Variants in PHLDB2 observed in about 807,000 individuals in gnomAD.
PHLDB2 encodes the protein pleckstrin homology like domain family B member 2.
PHLDB2 carries 71 observed loss-of-function variants against 123.6 expected under a neutral mutation model. The observed-to-expected ratio is 0.57, with a 90% confidence interval of 0.47 to 0.70. The LOEUF (loss-of-function observed/expected upper bound fraction) is 0.70. PHLDB2 is among the 30% of genes least tolerant of loss of function. The pLI is 0.00. For missense variants in PHLDB2, 1,446 were observed against 1,519.5 expected, an observed-to-expected ratio of 0.95 and a Z score of 0.80; for synonymous variants, 547 against 541.6, an observed-to-expected ratio of 1.01 and a Z score of -0.14.
intron 12 of PHLDB2, 22 bp from the exon 13 acceptor site, chr3:111,962,086 A>G (rs2071443981): frequency 4.4e-6 from 7 of 1,574,406 alleles, no homozygotes; most frequent in African/African-American, 1.4e-5. Flanking sequence ...GCAAACTAAC[A>G]TATTTATGGC....
intron 14 of PHLDB2, among the ~76,000 whole-genome samples, chr3:111,967,190 C>A (rs760176927): frequency 1.3e-5 from 2 of 152,196 alleles, no homozygotes; most frequent in Non-Finnish European, 1.5e-5. Context: ...GCATCCTGCC[C>A]TGAAGGGCAC....
chr3:111,851,317 C>A (rs988455679), intron 2 of PHLDB2, among the ~76,000 whole-genome samples: 6 of 152,106 alleles, frequency 3.9e-5, no homozygotes, highest in African/African-American at 1.4e-4. Flanking sequence ...CTCTGAGCCC[C>A]TGCAGACACA....
chr3:111,810,167 G>A (rs1035770980), intron 1 of PHLDB2, among the ~76,000 whole-genome samples: 3 of 152,090 alleles, frequency 2.0e-5, no homozygotes, highest in Non-Finnish European at 4.4e-5. Flanking sequence ...CCAAATGCAA[G>A]GTGACACACA....
chr3:111,890,025 C>T (rs1181367047), intron 2 of PHLDB2, among the ~76,000 whole-genome samples: 1 of 152,148 alleles, frequency 6.6e-6, no homozygotes, highest in African/African-American at 2.4e-5. Context: ...AGACTGATTG[C>T]TTTTCCATCA....
intron 1 of PHLDB2, among the ~76,000 whole-genome samples, chr3:111,736,415 C>T (rs1460923919): frequency 1.3e-5 from 2 of 152,182 alleles, no homozygotes; most frequent in Non-Finnish European, 2.9e-5. Flanking sequence ...ATCTTCACCA[C>T]AGCCCTGTAA....
At chr3:111,955,144 G>GATATATATATATATGATATATATATAT (rs2070967442) in intron 12 of PHLDB2, among the ~76,000 whole-genome samples, 1 of 145,300 alleles carries the variant, frequency 6.9e-6, no homozygotes, top group Non-Finnish European at 1.5e-5. Flanking sequence ...ATGTATATAT[G>GATATATATATATATGATATATATATAT]ATATATATAT....
At chr3:111,857,515 T>C (rs1013743196), upstream of PHLDB2, among the ~76,000 whole-genome samples, 4 of 150,242 alleles carry the variant, frequency 2.7e-5, no homozygotes, top group Admixed American at 2.0e-4. Context: ...AATGATTGTA[T>C]GTTTATGGGG....
chr3:111,849,087 C>A (rs780056505), intron 2 of PHLDB2, among the ~76,000 whole-genome samples: 5 of 152,186 alleles, frequency 3.3e-5, no homozygotes, highest in African/African-American at 9.7e-5. Context: ...GGTTGCCAAG[C>A]CTTTTATAAA....
intron 17 of PHLDB2, 121 bp from the exon 18 acceptor site, chr3:111,974,302 A>G (rs981289458): frequency 6.2e-6 from 6 of 975,224 alleles, no homozygotes; most frequent in Middle Eastern, 3.4e-4. Flanking sequence ...GTAGAGCAAA[A>G]GTAACGCCTT....
chr3:111,782,607 C>T (rs1288153418), intron 1 of PHLDB2, among the ~76,000 whole-genome samples: 1 of 152,038 alleles, frequency 6.6e-6, no homozygotes, highest in Non-Finnish European at 1.5e-5. Flanking sequence ...GAGATCCTTC[C>T]CTGGCCCTTC....
chr3:111,743,076 T>C (rs899391811), intron 1 of PHLDB2, among the ~76,000 whole-genome samples: 3 of 152,180 alleles, frequency 2.0e-5, no homozygotes, highest in Admixed American at 2.0e-4. Flanking sequence ...CCAAGTGGTA[T>C]TTTAAAGAAA....
At chr3:111,894,950 A>G (rs867679744) in intron 2 of PHLDB2, among the ~76,000 whole-genome samples, 3,117 of 118,146 alleles carry the variant, frequency 0.026, 136 homozygotes, top group African/African-American at 0.087. Flanking sequence ...GTGTGTGTGT[A>G]TGTATGTATG....
At chr3:111,795,522 TA>T (rs2061114690) in intron 1 of PHLDB2, among the ~76,000 whole-genome samples, 3 of 152,216 alleles carry the variant, frequency 2.0e-5, no homozygotes, top group Admixed American at 2.0e-4. Context: ...GGAGCAGAAC[TA>T]GGTCCCTACA....
At chr3:111,747,661 G>A (rs991623386) in intron 1 of PHLDB2, among the ~76,000 whole-genome samples, 8 of 152,142 alleles carry the variant, frequency 5.3e-5, no homozygotes, top group Middle Eastern at 3.4e-3. Context: ...AGCCTCTCCC[G>A]CAGGGAAGGG....
At chr3:111,742,340 T>TAG (rs1227076332) in intron 1 of PHLDB2, among the ~76,000 whole-genome samples, 2 of 152,334 alleles carry the variant, frequency 1.3e-5, no homozygotes, top group East Asian at 3.9e-4. Flanking sequence ...CTTTAAATTC[T>TAG]AGGGTACATG....
chr3:111,822,295 A>ATGTGTGTGTGTGTGTGTGTGTGTGTG (rs35687126), intron 1 of PHLDB2, among the ~76,000 whole-genome samples: 3 of 144,128 alleles, frequency 2.1e-5, no homozygotes, highest in African/African-American at 8.0e-5. Flanking sequence ...ATCTTTATGT[A>ATGTGTGTGTGTGTGTGTGTGTGTGTG]TGTGTGTGTG....
intron 12 of PHLDB2, chr3:111,958,854 C>G (rs1402388061): frequency 2.4e-6 from 1 of 408,760 alleles, no homozygotes; most frequent in South Asian, 1.8e-5. Context: ...TGCTCCCCCT[C>G]AAAAAGTAGA....
At chr3:111,819,855 A>G (rs1251060086) in intron 1 of PHLDB2, among the ~76,000 whole-genome samples, 1 of 152,220 alleles carries the variant, frequency 6.6e-6, no homozygotes, top group East Asian at 1.9e-4. Context: ...AATTGTCAAG[A>G]TGCATCCACA....
At chr3:111,757,422 A>G (rs908534819) in intron 1 of PHLDB2, among the ~76,000 whole-genome samples, 4 of 152,130 alleles carry the variant, frequency 2.6e-5, no homozygotes, top group Non-Finnish European at 5.9e-5. Flanking sequence ...TTTCAGCTCC[A>G]TCAGCTCCTT....
Sources: allele counts gnomAD v4.1 joint callset (sites outside exome capture counted in the v4.1 genomes callset), GRCh38; gene constraint gnomAD v4.1.1; transcripts MANE v1.5; gene names NCBI Gene and HGNC (gene_info 2026-07-23, HGNC 2026-07-21).